The following AOPEP variants were observed in gnomAD, a reference collection of about 807,000 sequenced individuals.
AOPEP encodes aminopeptidase O (putative).
A neutral mutation model predicts 98.1 loss-of-function variants in AOPEP; 77 were observed. The observed-to-expected ratio is 0.78, with a 90% CI of 0.65 to 0.95. The LOEUF is 0.95. Ranked by LOEUF, AOPEP falls within the 40% of genes least tolerant of loss-of-function variation. The pLI is 0.00. For synonymous variants in AOPEP, 346 were observed against 365.3 expected, an observed-to-expected ratio of 0.95 and a Z score of 0.60; for missense variants, 1,024 against 1,024.7, an observed-to-expected ratio of 1.00 and a Z score of 0.01.
intron 5 of AOPEP, among the ~76,000 whole-genome samples, chr9:94,878,035 T>C (rs768707824): frequency 2.6e-5 from 4 of 152,044 alleles, no homozygotes; most frequent in Non-Finnish European, 5.9e-5. Context: ...TGTTTTCTGA[T>C]TTTTTGGCAT....
At chr9:94,867,336 C>T (rs1013512334) in intron 5 of AOPEP, among the ~76,000 whole-genome samples, 5 of 152,054 alleles carry the variant, frequency 3.3e-5, no homozygotes, top group African/African-American at 1.2e-4. Context: ...TCAGCACGGC[C>T]CACTCTCGGC....
chr9:95,004,891 G>C (rs1234786022), intron 11 of AOPEP: 1 of 146,658 alleles, frequency 6.8e-6, no homozygotes, highest in Non-Finnish European at 1.5e-5. Flanking sequence ...AGGCGGCGCG[G>C]CCGCTATACC....
intron 10 of AOPEP, among the ~76,000 whole-genome samples, chr9:94,976,143 T>C (rs1017492975): frequency 1.3e-5 from 2 of 152,208 alleles, no homozygotes; most frequent in African/African-American, 2.4e-5. Flanking sequence ...GCCTGGTGTC[T>C]ATTACACATC....
intron 3 of AOPEP, among the ~76,000 whole-genome samples, chr9:94,781,866 A>G (rs1052242124): frequency 1.3e-5 from 2 of 150,302 alleles, no homozygotes; most frequent in Non-Finnish European, 3.0e-5. Flanking sequence ...TATAGAGTCT[A>G]ATTTAGTATA....
At chr9:95,079,615 C>T (rs1587947954) in intron 14 of AOPEP, among the ~76,000 whole-genome samples, 1 of 152,184 alleles carries the variant, frequency 6.6e-6, no homozygotes, top group South Asian at 2.1e-4. Flanking sequence ...CGAGCAATGC[C>T]GCCTGCTCCG....
intron 9 of AOPEP, among the ~76,000 whole-genome samples, chr9:94,957,360 A>G (rs1197063022): frequency 6.6e-6 from 1 of 152,098 alleles, no homozygotes; most frequent in Non-Finnish European, 1.5e-5. Context: ...GGCGCTTGCC[A>G]CGACACCCTG....
In AOPEP at chr9:94,792,934, C is replaced by G; in HGVS notation, c.1118+16C>G. ...CCAACTTCAGGTTTGTGTTTGGGGA[C>G]TTGCTGGGAAGGAAAAAAAAAAAAA... On this transcript the variant is annotated intron_variant, in intron 4 of 16. Transcript: ENST00000375315. 6.5e-7 allele frequency: 1 copy of G among 1,548,284 alleles called. No individual in the cohort carries two copies. Among genetic ancestry groups the G allele is most frequent in the Non-Finnish European group, 8.7e-7 (1 of 1,146,236 alleles).
intron 9 of AOPEP, among the ~76,000 whole-genome samples, chr9:94,965,830 C>T (rs1223747070): frequency 6.6e-6 from 1 of 150,586 alleles, no homozygotes; most frequent in African/African-American, 2.5e-5. Context: ...TATTGGGAGG[C>T]TTCGGTCTGC....
intron 5 of AOPEP, among the ~76,000 whole-genome samples, chr9:94,911,889 A>G (rs1229777365): frequency 6.6e-6 from 1 of 152,156 alleles, no homozygotes; most frequent in Non-Finnish European, 1.5e-5. Flanking sequence ...AGAAAAGTAT[A>G]CATCTTAGCA....
In AOPEP at chr9:94,960,140, G is replaced by A. The variant is rs778104992; in HGVS notation, c.1872+4125G>A. Among the ~76,000 whole-genome samples the A allele has an allele frequency of 3.9e-5, 6 of 152,214 alleles. No homozygotes were observed. The East Asian group carries it at 7.7e-4, about 20-fold the overall frequency. ...AAAAGATGAGGAATTGGCCGGGCAC[G>A]GTGGCTCACGCCTGTAATCCCAGCA... On this transcript the variant is annotated intron_variant, in intron 9 of 16. Coordinates refer to ENST00000375315, the MANE Select transcript of AOPEP (RefSeq NM_001193329.3).
At chr9:94,769,685 C>A (rs1840417343) in intron 2 of AOPEP, among the ~76,000 whole-genome samples, 1 of 152,116 alleles carries the variant, frequency 6.6e-6, no homozygotes, top group African/African-American at 2.4e-5. Context: ...GAAAAGATAA[C>A]CCAGCCATGG....
intron 5 of AOPEP, among the ~76,000 whole-genome samples, chr9:94,832,860 GC>G (rs200132084): frequency 3.0e-4 from 45 of 148,366 alleles, no homozygotes; most frequent in African/African-American, 1.1e-3. Flanking sequence ...GTAGAAGAAA[GC>G]GGGGGAAAAG....
At chr9:94,845,956 G>A (rs1276276513) in intron 5 of AOPEP, among the ~76,000 whole-genome samples, 3 of 152,062 alleles carry the variant, frequency 2.0e-5, no homozygotes, top group Admixed American at 2.0e-4. Context: ...TTAGTCAGGC[G>A]TGGTGTCGGG....
At chr9:95,065,489 TCTC>T (rs2067791648) in intron 14 of AOPEP, 1 of 152,202 alleles carries the variant, frequency 6.6e-6, no homozygotes, top group East Asian at 1.9e-4. Context: ...CTCCTCCCCT[TCTC>T]CTGCTGGCTG....
At chr9:94,792,410 T>C (rs1235457686) in intron 3 of AOPEP, among the ~76,000 whole-genome samples, 1 of 152,216 alleles carries the variant, frequency 6.6e-6, no homozygotes, top group Non-Finnish European at 1.5e-5. Context: ...TTTTTTTTAA[T>C]GCTAAATACT....
intron 11 of AOPEP, among the ~76,000 whole-genome samples, chr9:94,982,453 G>A (rs951996096): frequency 6.6e-6 from 1 of 152,208 alleles, no homozygotes; most frequent in Admixed American, 6.5e-5. Flanking sequence ...CAGCATGTAG[G>A]CGCACATTCT....
At chr9:94,777,657 A>G (rs1842447614) in intron 3 of AOPEP, among the ~76,000 whole-genome samples, 1 of 112,454 alleles carries the variant, frequency 8.9e-6, no homozygotes, top group Non-Finnish European at 1.7e-5. Flanking sequence ...TTTTTGAGAC[A>G]GTGTCTCATT....
chr9:95,121,029 G>A, the AOPEP span, among the ~76,000 whole-genome samples: 1 of 152,166 alleles, frequency 6.6e-6, no homozygotes, highest in Non-Finnish European at 1.5e-5. Flanking sequence ...TCTGTGTGAT[G>A]TCCCTTTAAA....
At chr9:94,730,797 C>T (rs907349243) in intron 1 of AOPEP, among the ~76,000 whole-genome samples, 1 of 152,132 alleles carries the variant, frequency 6.6e-6, no homozygotes, top group African/African-American at 2.4e-5. Flanking sequence ...TAGTCATCAT[C>T]ACAGTGGTTA....
Sources: gnomAD v4.1 joint callset for allele counts (sites outside exome capture counted in the v4.1 genomes callset) on GRCh38, gnomAD v4.1.1 for gene constraint, MANE v1.5 for transcripts, NCBI Gene and HGNC (gene_info 2026-07-23, HGNC 2026-07-21) for gene names.